Variants in EPHB1 observed in about 807,000 individuals in gnomAD.
EPHB1 encodes EPH receptor B1.
Under a neutral mutation model 94.4 loss-of-function variants are expected in EPHB1, and 30 were observed. That is an observed-to-expected ratio of 0.32 (90% CI 0.24 to 0.43). EPHB1 has a LOEUF of 0.43. Ranked by LOEUF, EPHB1 falls within the 20% of genes least tolerant of loss-of-function variation. The pLI is 1.00. For missense variants in EPHB1, 1,055 were observed against 1,308.3 expected, an observed-to-expected ratio of 0.81 and a Z score of 2.99; for synonymous variants, 522 against 489.1, an observed-to-expected ratio of 1.07 and a Z score of -0.89.
At chr3:135,204,006 AT>A in intron 12 of EPHB1, among the ~76,000 whole-genome samples, 1 of 152,036 alleles carries the variant, frequency 6.6e-6, no homozygotes, top group African/African-American at 2.4e-5. Flanking sequence ...TTTAATTTTA[AT>A]TTTTTGATTT....
chr3:135,221,819 T>C (rs1943284625), intron 12 of EPHB1, among the ~76,000 whole-genome samples: 1 of 152,178 alleles, frequency 6.6e-6, no homozygotes, highest in Non-Finnish European at 1.5e-5. Context: ...CCTAATGTCC[T>C]AAAAATGTAA....
At position 134,946,387 on chromosome 3, in the gene EPHB1, T is replaced by C. The variant is rs1578219345; in HGVS notation, c.124-4984T>C. Among the ~76,000 whole-genome samples the C allele has an allele frequency of 2.0e-5, 3 of 152,218 alleles. No individual in the cohort carries two copies. In the South Asian group the frequency reaches 6.2e-4, roughly 32 times the overall value. On this transcript the variant is annotated intron_variant, in intron 2 of 15. Transcript: ENST00000398015. ...TGCCACCCCCAGCTTCTTATGGCTG[T>C]CTGTCACACAGCCTTCATTCCTCAA...
chr3:135,074,775 C>A (rs1171174311), intron 3 of EPHB1, among the ~76,000 whole-genome samples: 1 of 152,108 alleles, frequency 6.6e-6, no homozygotes, highest in African/African-American at 2.4e-5. Flanking sequence ...AAGGCTGTTT[C>A]CAATCCTTAC....
intron 4 of EPHB1, among the ~76,000 whole-genome samples, chr3:135,128,251 T>C (rs768000372): frequency 6.6e-6 from 1 of 152,232 alleles, no homozygotes; most frequent in Non-Finnish European, 1.5e-5. Flanking sequence ...GTGGTCTCAA[T>C]TGGCCTCCTT....
At chr3:135,114,223 A>T (rs1007562066) in intron 4 of EPHB1, among the ~76,000 whole-genome samples, 1 of 152,180 alleles carries the variant, frequency 6.6e-6, no homozygotes, top group Non-Finnish European at 1.5e-5. Flanking sequence ...TCTTTCAAAT[A>T]AGCAGTGTTA....
intron 1 of EPHB1, among the ~76,000 whole-genome samples, chr3:134,875,248 A>T (rs932702615): frequency 6.6e-6 from 1 of 152,132 alleles, no homozygotes. Flanking sequence ...GTTGTCCCTG[A>T]TCTCTTTCTA....
intron 3 of EPHB1, among the ~76,000 whole-genome samples, chr3:134,986,274 G>T (rs574461172): frequency 6.6e-6 from 1 of 152,220 alleles, no homozygotes; most frequent in Admixed American, 6.5e-5. Context: ...GTGGTGACAG[G>T]GTATTCAGTG....
intron 5 of EPHB1, among the ~76,000 whole-genome samples, chr3:135,140,476 G>GA (rs1442336009): frequency 6.6e-6 from 1 of 152,240 alleles, no homozygotes; most frequent in Non-Finnish European, 1.5e-5. Flanking sequence ...ATACATGAAT[G>GA]AATGCTTCAG....
chr3:135,208,802 A>G (rs1296881044), intron 12 of EPHB1, among the ~76,000 whole-genome samples: 1 of 152,170 alleles, frequency 6.6e-6, no homozygotes, highest in Admixed American at 6.5e-5. Flanking sequence ...GTGGCTTTGA[A>G]GCAGTAACAT....
intron 1 of EPHB1, among the ~76,000 whole-genome samples, chr3:134,865,741 G>C (rs1404348815): frequency 6.6e-6 from 1 of 151,886 alleles, no homozygotes; most frequent in East Asian, 1.9e-4. Flanking sequence ...AAACAAGCAA[G>C]ATGCAAAACA....
intron 4 of EPHB1, among the ~76,000 whole-genome samples, chr3:135,114,537 TAAAAAAAAAAAAAAAAA>T (rs56100882): frequency 7.5e-4 from 28 of 37,218 alleles, no homozygotes; most frequent in Non-Finnish European, 1.0e-3. Context: ...CTGTCTCTAC[TAAAAAAAAAAAAAAAAA>T]AAAAAAAAAA....
At chr3:134,944,473 C>T (rs1412952663) in intron 2 of EPHB1, among the ~76,000 whole-genome samples, 3 of 152,198 alleles carry the variant, frequency 2.0e-5, no homozygotes, top group African/African-American at 7.2e-5. Context: ...GAAGCTTACT[C>T]CTCATATAAA....
intron 1 of EPHB1, among the ~76,000 whole-genome samples, chr3:134,823,258 G>T (rs1216367530): frequency 6.6e-6 from 1 of 152,236 alleles, no homozygotes; most frequent in Admixed American, 6.5e-5. Flanking sequence ...CCCTTTCTAG[G>T]TAGAACTAGC....
At chr3:134,912,553 G>A (rs2038475990) in intron 1 of EPHB1, among the ~76,000 whole-genome samples, 1 of 152,198 alleles carries the variant, frequency 6.6e-6, no homozygotes, top group African/African-American at 2.4e-5. Flanking sequence ...TCTCTTTGCT[G>A]CTGGATTGGC....
At chr3:135,160,591 G>C (rs748429754) in intron 6 of EPHB1, among the ~76,000 whole-genome samples, 8 of 152,022 alleles carry the variant, frequency 5.3e-5, no homozygotes. Flanking sequence ...TTTTTTTCTA[G>C]GATTCATGGT....
At chr3:134,821,990 C>G (rs2036390636) in intron 1 of EPHB1, among the ~76,000 whole-genome samples, 1 of 152,102 alleles carries the variant, frequency 6.6e-6, no homozygotes, top group Non-Finnish European at 1.5e-5. Flanking sequence ...TGGTTAAACG[C>G]AAAGTGAAAG....
intron 1 of EPHB1, among the ~76,000 whole-genome samples, chr3:134,909,023 A>C (rs2038396975): frequency 6.7e-6 from 1 of 149,344 alleles, no homozygotes; most frequent in African/African-American, 2.5e-5. Context: ...GTGATAACCC[A>C]CTTTTTCGCT....
rs542355310 is a variant in EPHB1, at chr3:134,901,701, G to A, written c.59-24115G>A. Among the ~76,000 whole-genome samples the A allele has an allele frequency of 8.3e-4, 127 of 152,366 alleles. 1 individual carries two copies. Among genetic ancestry groups the A allele is most frequent in the African/African-American group, 2.8e-3 (116 of 41,586 alleles). ...GTTCAAGGCAAAGGAAGCCATGGGT[G>A]CAGCTTGGGCATGAGAGAGGATGGG... On this transcript the variant is annotated intron_variant, in intron 1 of 15. Coordinates refer to ENST00000398015, the MANE Select transcript of EPHB1 (RefSeq NM_004441.5).
chr3:134,811,242 G>GTTTTTTTTTTTTTTTTTTTTTTTTTTT lies in EPHB1; in HGVS notation c.58+15574_58+15575insTTTTTTTTTTTTTTTTTTTTTTTTTTT, dbSNP rs397966930. 1.2e-3 allele frequency among the ~76,000 whole-genome samples: 87 copies of GTTTTTTTTTTTTTTTTTTTTTTTTTTT among 73,882 alleles called. 26 individuals carry two copies. The highest frequency in any genetic ancestry group is 2.0e-3 in the Non-Finnish European group (74 of 36,386). The allele number at this position is 73,882 out of a possible 152,430, so 48.5% of individuals were successfully genotyped here. On this transcript the variant is annotated intron_variant, in intron 1 of 15. Transcript: ENST00000398015. ...TCTCATAGTTGCCCCTACTAAGAAG[G>GTTTTTTTTTTTTTTTTTTTTTTTTTTT]TTTTTTTTTTTTTTTTTTTTTCTGT...
Sources: allele counts gnomAD v4.1 joint callset (sites outside exome capture counted in the v4.1 genomes callset), GRCh38; gene constraint gnomAD v4.1.1; transcripts MANE v1.5; gene names NCBI Gene and HGNC (gene_info 2026-07-23, HGNC 2026-07-21).